AGTPBP1: variants seen among roughly 807,000 people sequenced by gnomAD.
The protein encoded by AGTPBP1 is ATP/GTP binding carboxypeptidase 1.
A neutral mutation model predicts 143.9 loss-of-function variants in AGTPBP1; 70 were observed. The ratio of observed to expected loss-of-function variants is 0.49; its 90% confidence interval spans 0.40 to 0.59. The LOEUF (loss-of-function observed/expected upper bound fraction) is 0.59, where lower values mean the gene tolerates loss of function less well. AGTPBP1 is among the 20% of genes least tolerant of loss of function. AGTPBP1 has a pLI of 0.00. For missense variants in AGTPBP1, 1,229 were observed against 1,464.5 expected, an observed-to-expected ratio of 0.84 and a Z score of 2.62; for synonymous variants, 463 against 500.2, an observed-to-expected ratio of 0.93 and a Z score of 0.99.
At chr9:85,634,676 A>T (rs1456009033) in intron 13 of AGTPBP1, among the ~76,000 whole-genome samples, 2 of 152,200 alleles carry the variant, frequency 1.3e-5, no homozygotes, top group African/African-American at 4.8e-5. Context: ...AAACAGATAA[A>T]TAAGGTGTAT....
At chr9:85,705,217 TA>T (rs899175527) in intron 2 of AGTPBP1, among the ~76,000 whole-genome samples, 34 of 131,714 alleles carry the variant, frequency 2.6e-4, no homozygotes, top group South Asian at 1.5e-3. Flanking sequence ...CAAGAAACAT[TA>T]AAAAAAAAAA....
chr9:85,634,411 C>A (rs934377341), intron 13 of AGTPBP1, among the ~76,000 whole-genome samples: 1 of 151,972 alleles, frequency 6.6e-6, no homozygotes, highest in Non-Finnish European at 1.5e-5. Flanking sequence ...TGGAAGAACA[C>A]CTGAGGTGTT....
upstream of AGTPBP1, among the ~76,000 whole-genome samples, chr9:85,745,715 A>C (rs984838130): frequency 6.6e-6 from 1 of 152,168 alleles, no homozygotes; most frequent in East Asian, 1.9e-4. Context: ...TTGAACTTAA[A>C]GGCCAGGTGT....
the AGTPBP1 span, among the ~76,000 whole-genome samples, chr9:85,788,845 A>T: frequency 6.6e-6 from 1 of 151,270 alleles, no homozygotes; most frequent in African/African-American, 2.4e-5. Context: ...CAGTGCCCTT[A>T]ACAAGCACAG....
At chr9:85,803,948 G>C in the AGTPBP1 span, among the ~76,000 whole-genome samples, 7 of 151,946 alleles carry the variant, frequency 4.6e-5, no homozygotes, top group African/African-American at 1.7e-4. Context: ...TAATCAATCA[G>C]TTAGCAAATT....
chr9:85,638,119 TAAAA>T (rs35514571), intron 13 of AGTPBP1, among the ~76,000 whole-genome samples: 1 of 151,016 alleles, frequency 6.6e-6, no homozygotes, highest in African/African-American at 2.4e-5. Context: ...TTATGTTTAG[TAAAA>T]AAAAAGTGTG....
intron 17 of AGTPBP1, among the ~76,000 whole-genome samples, chr9:85,615,031 T>C (rs1309076181): frequency 1.3e-5 from 2 of 152,146 alleles, no homozygotes; most frequent in Non-Finnish European, 2.9e-5. Flanking sequence ...AAATGTGAAA[T>C]GTCTAACAAT....
rs1829049438 is a variant in AGTPBP1, at chr9:85,592,708, C to T, written c.2424-4G>A. On this transcript the variant is annotated splice_polypyrimidine_tract_variant and splice_region_variant and intron_variant, in intron 18 of 25. Transcript: ENST00000357081. ...TGAACTTCTTGAGAAATGATTTCTG[C>T]AATAAAAACGCATAAAACATGTTCA... is the stretch of plus-strand genomic sequence containing the variant. 1 of 1,608,888 alleles carries T rather than the reference C, an allele frequency of 6.2e-7. No individual in the cohort carries two copies. Among genetic ancestry groups the T allele is most frequent in the Non-Finnish European group, 8.5e-7 (1 of 1,178,168 alleles).
At chr9:85,554,840 G>A (rs1349061603) in intron 25 of AGTPBP1, among the ~76,000 whole-genome samples, 2 of 152,118 alleles carry the variant, frequency 1.3e-5, no homozygotes, top group African/African-American at 4.8e-5. Flanking sequence ...CCAAACAGAC[G>A]ATGAAATGAA....
At chr9:85,576,673 C>A (rs1827922552) in intron 24 of AGTPBP1, among the ~76,000 whole-genome samples, 1 of 152,142 alleles carries the variant, frequency 6.6e-6, no homozygotes, top group Admixed American at 6.5e-5. Context: ...ATGAGACTCA[C>A]ACACTTATCA....
intron 11 of AGTPBP1, among the ~76,000 whole-genome samples, chr9:85,647,358 T>C (rs556320243): frequency 6.6e-6 from 1 of 152,330 alleles, no homozygotes; most frequent in Admixed American, 6.5e-5. Flanking sequence ...GGGCAGCATA[T>C]TGGACATGCT....
intron 1 of AGTPBP1, among the ~76,000 whole-genome samples, chr9:85,729,685 C>CAA (rs879314041): frequency 1.4e-5 from 2 of 139,152 alleles, no homozygotes; most frequent in African/African-American, 5.3e-5. Context: ...AACTCAATAG[C>CAA]AAAAAAAAAA....
chr9:85,703,013 T>C (rs1192327895), intron 2 of AGTPBP1, among the ~76,000 whole-genome samples: 1 of 152,226 alleles, frequency 6.6e-6, no homozygotes, highest in Non-Finnish European at 1.5e-5. Context: ...TCAACAAGTA[T>C]ATTTTTGCTG....
At chr9:85,582,052 GT>G (rs1316138328) in intron 23 of AGTPBP1, among the ~76,000 whole-genome samples, 1 of 152,114 alleles carries the variant, frequency 6.6e-6, no homozygotes, top group Non-Finnish European at 1.5e-5. Context: ...GATTTGTTTT[GT>G]AAACCTTTTA....
Position 85,547,184 on chromosome 9 carries a change from A to G in AGTPBP1, c.3606T>C (p.Asn1202=), listed in dbSNP as rs1487630906. 1 of 1,613,730 alleles carries G rather than the reference A, an allele frequency of 6.2e-7. No homozygotes were observed. Residue 1202 remains asparagine, a synonymous_variant, in exon 26 of 26, where the codon AAT becomes AAC. Transcript: ENST00000357081. The stretch of plus-strand genomic sequence containing the variant: ...GAGCAGAAGGTTCATAATCTCCTAC[A>G]TTTTCAGCCAACTCAATATCTAACT... ...NDELDIELAE[N]VGDYEPSAQE... is the part of the protein sequence containing the mutation.
rs189276316 is a variant in AGTPBP1 at position 85,627,258 on chromosome 9, G to A, written c.2015+5404C>T. Among the ~76,000 whole-genome samples the A allele has an allele frequency of 8.9e-3, 1,353 of 151,484 alleles. 8 individuals carry two copies. Among genetic ancestry groups the A allele is most frequent in the Middle Eastern group, 0.034 (10 of 292 alleles). On this transcript the variant is annotated intron_variant, in intron 14 of 25. Coordinates refer to ENST00000357081, the MANE Select transcript of AGTPBP1 (RefSeq NM_001330701.2). ...GAGAAATAAAGTTATTTATGTGCGC[G>A]CACACACACACACAGAGTGGGAGAG... is the stretch of plus-strand genomic sequence containing the variant.
intron 7 of AGTPBP1, among the ~76,000 whole-genome samples, chr9:85,671,291 T>C (rs562501215): frequency 2.2e-4 from 34 of 152,284 alleles, no homozygotes; most frequent in African/African-American, 7.9e-4. Context: ...AATCAACTGC[T>C]TTTCTATTTT....
intron 23 of AGTPBP1, among the ~76,000 whole-genome samples, chr9:85,579,489 A>G (rs1399271902): frequency 6.6e-6 from 1 of 152,000 alleles, no homozygotes; most frequent in African/African-American, 2.4e-5. Context: ...AGCTAAGACA[A>G]TCACAATCAA....
intron 5 of AGTPBP1, 139 bp from the exon 6 acceptor site, chr9:85,677,721 G>A (rs1834921534): frequency 1.2e-5 from 9 of 736,952 alleles, no homozygotes; most frequent in Non-Finnish European, 1.6e-5. Context: ...AAACAAATAA[G>A]GCTGGGCGCA....
Sources: gnomAD v4.1 joint callset for allele counts (sites outside exome capture counted in the v4.1 genomes callset) on GRCh38, gnomAD v4.1.1 for gene constraint, MANE v1.5 for transcripts, NCBI Gene and HGNC (gene_info 2026-07-23, HGNC 2026-07-21) for gene names.